Variants in REPS1 observed in about 807,000 individuals in gnomAD.
REPS1 encodes RALBP1 associated Eps domain containing 1.
REPS1 carries 39 observed loss-of-function variants against 100.9 expected under a neutral mutation model. The ratio of observed to expected loss-of-function variants is 0.39; its 90% CI spans 0.30 to 0.50. REPS1 has a LOEUF of 0.50. Among genes scored for constraint, REPS1 ranks in the 20% least tolerant of loss-of-function variants. The pLI, the probability that REPS1 is intolerant of heterozygous loss-of-function variation, is 0.86. For missense variants in REPS1, 821 were observed against 968.5 expected, an observed-to-expected ratio of 0.85 and a Z score of 2.02; for synonymous variants, 324 against 340.3, an observed-to-expected ratio of 0.95 and a Z score of 0.53.
At chr6:138,982,147 CTTA>C (rs762659175) in intron 1 of REPS1, among the ~76,000 whole-genome samples, 1 of 152,278 alleles carries the variant, frequency 6.6e-6, no homozygotes, top group Non-Finnish European at 1.5e-5. Context: ...AAACCTGAGA[CTTA>C]TTAAGTTTAT....
At position 138,987,932 on chromosome 6, in the gene REPS1, ACGGCTCCGGCTCCGGCTC is replaced by A. The variant is rs540491812; in HGVS notation, c.-268_-251del. 2.7e-6 allele frequency: 1 copy of A among 373,240 alleles called. No homozygotes were observed. 23.1% of individuals were successfully genotyped at this position (373,240 alleles called of 1,614,324 possible). ...CGCGGCTGCGGCTGCGGCTGCGACT[ACGGCTCCGGCTCCGGCTC>A]CGGCTCCGGCCGCGGGGAGGGTGCA... On this transcript the variant is annotated 5_prime_UTR_variant, in exon 1 of 20. Coordinates refer to ENST00000450536, the MANE Select transcript of REPS1 (RefSeq NM_001286611.2).
intron 5 of REPS1, among the ~76,000 whole-genome samples, chr6:138,944,297 C>G (rs757682718): frequency 2.6e-5 from 4 of 152,146 alleles, no homozygotes; most frequent in Non-Finnish European, 5.9e-5. Context: ...CAAAACTTCA[C>G]TAGGGAATCA....
chr6:138,913,612 G>A (rs1780160340), intron 15 of REPS1, among the ~76,000 whole-genome samples: 1 of 152,146 alleles, frequency 6.6e-6, no homozygotes, highest in Non-Finnish European at 1.5e-5. Flanking sequence ...TATGACAAAG[G>A]AAGTAAAGGA....
chr6:138,955,313 G>A (rs1374655613), intron 1 of REPS1, among the ~76,000 whole-genome samples: 1 of 151,848 alleles, frequency 6.6e-6, no homozygotes, highest in Non-Finnish European at 1.5e-5. Flanking sequence ...AGCAGGGTGT[G>A]ATGGCACACC....
intron 1 of REPS1, among the ~76,000 whole-genome samples, chr6:138,952,811 C>G (rs1001661714): frequency 6.6e-6 from 1 of 151,162 alleles, no homozygotes; most frequent in African/African-American, 2.4e-5. Flanking sequence ...TATGGAGATA[C>G]AGACAGATAG....
In REPS1 at chr6:138,905,102, C is replaced by A. The variant is rs779260874; in HGVS notation, c.2353G>T (p.Val785Phe). 1 of 1,613,598 alleles carries A rather than the reference C, an allele frequency of 6.2e-7. No homozygotes were observed. Among genetic ancestry groups the A allele is most frequent in the Non-Finnish European group, 8.5e-7 (1 of 1,179,594 alleles). The stretch of plus-strand genomic sequence containing the variant: ...AATGGTCGAAGTTGTTCCAGTTGAA[C>A]TTCCAGGGAAATTCTCTCCTCAAGA... ...DVLEERISLE[V>F]QLEQLRPFSH... Residue 785 changes from valine (V) to phenylalanine (F), a missense_variant, in exon 20 of 20, where the codon GTT (valine) becomes TTT (phenylalanine). Transcript: ENST00000450536.
intron 10 of REPS1, among the ~76,000 whole-genome samples, chr6:138,923,249 A>C (rs1780897849): frequency 2.6e-5 from 4 of 152,202 alleles, no homozygotes. Flanking sequence ...TATTTTCTTA[A>C]TTTACATTTA....
rs6149828 is a variant in REPS1, at chr6:138,907,313, A to AGT, written c.2322+180_2322+181dup. On this transcript the variant is annotated intron_variant, in intron 19 of 19. Coordinates refer to ENST00000450536, the MANE Select transcript of REPS1 (RefSeq NM_001286611.2). Reference sequence around the variant, plus strand: ...GTGTCTCTTTAAAAAAAAAAAAAAAAGTGTGTGTGTGTGTGTGTGTGTGTG... The same window carrying AGT: ...GTGTCTCTTTAAAAAAAAAAAAAAAAGTGTGTGTGTGTGTGTGTGTGTGTGTG... The AGT allele has an allele frequency of 7.3e-3, 990 of 135,136 alleles. 10 individuals carry two copies. The highest frequency in any genetic ancestry group is 0.028 in the South Asian group (148 of 5,216). 8.4% of individuals were successfully genotyped at this position (135,136 alleles called of 1,614,324 possible).
intron 1 of REPS1, among the ~76,000 whole-genome samples, chr6:138,981,569 A>G (rs1784953893): frequency 6.6e-6 from 1 of 152,208 alleles, no homozygotes; most frequent in East Asian, 1.9e-4. Flanking sequence ...TGTATTCCTC[A>G]AAGAATGTCA....
rs1488047380 is a variant in REPS1 at position 138,987,693 on chromosome 6, G to T, written c.-11C>A. ...CGTTAAGCCTTCCATCTTCGCCTCC[G>T]GCTCACGGCCGCCCCGCCCCGCATG... On this transcript the variant is annotated 5_prime_UTR_variant, in exon 1 of 20. Coordinates refer to ENST00000450536, the MANE Select transcript of REPS1 (RefSeq NM_001286611.2). 1.3e-6 allele frequency: 2 copies of T among 1,536,298 alleles called. No individual in the cohort carries two copies. Among genetic ancestry groups the T allele is most frequent in the African/African-American group, 2.8e-5 (2 of 71,548 alleles).
chr6:138,971,001 A>G (rs906685017), intron 1 of REPS1, among the ~76,000 whole-genome samples: 1 of 152,256 alleles, frequency 6.6e-6, no homozygotes, highest in Admixed American at 6.5e-5. Context: ...CAATACAATT[A>G]GTAACTATGA....
chr6:138,938,769 A>T (rs1021963477), intron 8 of REPS1, among the ~76,000 whole-genome samples: 4 of 152,174 alleles, frequency 2.6e-5, no homozygotes, highest in Admixed American at 2.0e-4. Flanking sequence ...TATTTACAAT[A>T]AATTCTAATG....
intron 19 of REPS1, among the ~76,000 whole-genome samples, chr6:138,905,907 G>C (rs1779616066): frequency 6.6e-6 from 1 of 152,142 alleles, no homozygotes; most frequent in Admixed American, 6.5e-5. Context: ...TTTTCAGTTA[G>C]CCACCATATT....
chr6:138,907,961 TTTCTC>T (rs989776077), intron 18 of REPS1, among the ~76,000 whole-genome samples: 13 of 152,128 alleles, frequency 8.5e-5, no homozygotes, highest in Non-Finnish European at 1.3e-4. Flanking sequence ...TTTGTTTTCT[TTTCTC>T]TTCTATTTTT....
chr6:138,964,496 C>G (rs1379422759), intron 1 of REPS1, among the ~76,000 whole-genome samples: 1 of 152,008 alleles, frequency 6.6e-6, no homozygotes, highest in African/African-American at 2.4e-5. Context: ...ATATTAGGTA[C>G]TTTAACACAG....
chr6:138,911,112 T>A, intron 17 of REPS1, 164 bp downstream of exon 17: 1 of 558,900 alleles, frequency 1.8e-6, no homozygotes, highest in South Asian at 2.4e-5. Flanking sequence ...TTACAGAATA[T>A]CATCTCCATT....
chr6:138,981,257 C>A (rs1784934167), intron 1 of REPS1, among the ~76,000 whole-genome samples: 1 of 152,166 alleles, frequency 6.6e-6, no homozygotes, highest in Non-Finnish European at 1.5e-5. Context: ...ATTCTTGAAA[C>A]AAAATGCAGA....
intron 12 of REPS1, among the ~76,000 whole-genome samples, chr6:138,918,235 G>A (rs2128441087): frequency 6.6e-6 from 1 of 152,182 alleles, no homozygotes; most frequent in Admixed American, 6.5e-5. Flanking sequence ...ACAGGTGTGA[G>A]CCACCGTGCC....
intron 8 of REPS1, among the ~76,000 whole-genome samples, chr6:138,935,856 C>CGGGGGGGG (rs1449985583): frequency 1.8e-3 from 4 of 2,192 alleles, no homozygotes; most frequent in Non-Finnish European, 3.5e-3. Flanking sequence ...TCCATCTTGG[C>CGGGGGGGG]GGGGGGGGGG....
Sources: gnomAD v4.1 joint callset for allele counts (sites outside exome capture counted in the v4.1 genomes callset) on GRCh38, gnomAD v4.1.1 for gene constraint, MANE v1.5 for transcripts, NCBI Gene and HGNC (gene_info 2026-07-23, HGNC 2026-07-21) for gene names.